Variants in TMCC1 observed in about 807,000 individuals in gnomAD.
The protein encoded by TMCC1 is transmembrane and coiled-coil domain family 1.
A neutral mutation model predicts 52.4 loss-of-function variants in TMCC1; 15 were observed. That is an observed-to-expected ratio of 0.29 (90% CI 0.19 to 0.44). The LOEUF (loss-of-function observed/expected upper bound fraction) is 0.44, where lower values mean the gene tolerates loss of function less well. TMCC1 is among the 20% of genes least tolerant of loss of function. The pLI, the probability that TMCC1 is intolerant of heterozygous loss-of-function variation, is 1.00. For missense variants in TMCC1, 503 were observed against 806.0 expected, an observed-to-expected ratio of 0.62 and a Z score of 4.55; for synonymous variants, 279 against 301.9, an observed-to-expected ratio of 0.92 and a Z score of 0.79.
At chr3:129,769,332 C>A (rs548350190) in intron 4 of TMCC1, among the ~76,000 whole-genome samples, 1 of 152,178 alleles carries the variant, frequency 6.6e-6, no homozygotes, top group Non-Finnish European at 1.5e-5. Context: ...CGGGTTCAAG[C>A]GATTCTCATG....
intron 4 of TMCC1, among the ~76,000 whole-genome samples, chr3:129,809,159 G>C (rs2057654522): frequency 6.7e-6 from 1 of 149,678 alleles, no homozygotes; most frequent in African/African-American, 2.4e-5. Context: ...AGGCAGGAGA[G>C]TGGTGTGAAC....
chr3:129,814,159 C>A (rs775081209), intron 4 of TMCC1, among the ~76,000 whole-genome samples: 1 of 151,968 alleles, frequency 6.6e-6, no homozygotes, highest in African/African-American at 2.4e-5. Flanking sequence ...AAGACCTGAG[C>A]GTAAGGTTTA....
At chr3:129,887,944 C>T (rs2061794246) in intron 1 of TMCC1, among the ~76,000 whole-genome samples, 1 of 152,138 alleles carries the variant, frequency 6.6e-6, no homozygotes, top group South Asian at 2.1e-4. Flanking sequence ...CAGAATGTGA[C>T]AAAATCTAAA....
At chr3:129,816,818 G>A (rs912047328) in intron 4 of TMCC1, among the ~76,000 whole-genome samples, 2 of 152,004 alleles carry the variant, frequency 1.3e-5, no homozygotes, top group Non-Finnish European at 2.9e-5. Context: ...GAGCCCAGGA[G>A]TTTGAGATCA....
rs188427061 is a variant in TMCC1, at chr3:129,882,177, A to G, written c.-434-1618T>C. ...ATATACAGAGAACTCTTAAAACTCA[A>G]AACAAAAACAACCTGATAAAAATGG... On this transcript the variant is annotated intron_variant, in intron 1 of 6. Coordinates refer to ENST00000393238, the MANE Select transcript of TMCC1 (RefSeq NM_001017395.5). Among the ~76,000 whole-genome samples, 137 of 152,302 alleles carry G rather than the reference A, an allele frequency of 9.0e-4. 1 individual carries two copies. Among genetic ancestry groups the G allele is most frequent in the Non-Finnish European group, 1.5e-3 (100 of 68,012 alleles).
At chr3:129,763,564 A>G (rs888906370) in intron 4 of TMCC1, among the ~76,000 whole-genome samples, 2 of 148,886 alleles carry the variant, frequency 1.3e-5, no homozygotes, top group Non-Finnish European at 3.0e-5. Context: ...AAAAAAAAAA[A>G]AAAGAAAAAG....
chr3:129,693,503 AT>A lies in TMCC1; in HGVS notation c.577-22240del, dbSNP rs11433105. 8.8e-3 allele frequency among the ~76,000 whole-genome samples: 1,078 copies of A among 121,960 alleles called. 9 individuals are homozygous for A. The highest frequency in any genetic ancestry group is 0.03 in the African/African-American group (982 of 32,816). The allele number at this position is 121,960 out of a possible 152,430, so 80.0% of individuals were successfully genotyped here. ...TTGATCTTGCCTTCCCCAAGATTGA[AT>A]TTTTTTTTTTTTTTTTTTTTGAGAC... On this transcript the variant is annotated intron_variant, in intron 4 of 6. Transcript: ENST00000393238.
chr3:129,649,349 A>G lies in TMCC1; in HGVS notation c.*2132T>C, dbSNP rs745567374. The G allele has an allele frequency of 2.0e-5, 3 of 152,230 alleles. No homozygotes were observed. The highest frequency in any genetic ancestry group is 4.4e-5 in the Non-Finnish European group (3 of 68,042). 9.4% of individuals were successfully genotyped at this position (152,230 alleles called of 1,614,324 possible). Reference sequence around the variant, plus strand: ...CCTAAAAAGTCACTGCAATATTTTTAGGCAAAGTTAACATTTTAATACATA... The same window carrying G: ...CCTAAAAAGTCACTGCAATATTTTTGGGCAAAGTTAACATTTTAATACATA... On this transcript the variant is annotated 3_prime_UTR_variant, in exon 7 of 7. Transcript: ENST00000393238.
intron 4 of TMCC1, among the ~76,000 whole-genome samples, chr3:129,756,769 C>T (rs560526416): frequency 3.3e-4 from 50 of 152,244 alleles, no homozygotes; most frequent in African/African-American, 1.2e-3. Context: ...TGTATGATTC[C>T]ATTCACATGA....
chr3:129,695,681 A>G (rs2047366779), intron 4 of TMCC1, among the ~76,000 whole-genome samples: 1 of 152,126 alleles, frequency 6.6e-6, no homozygotes, highest in Non-Finnish European at 1.5e-5. Flanking sequence ...CCAACAACAC[A>G]TGGGGATTAT....
At chr3:129,731,016 T>C (rs2050495704) in intron 4 of TMCC1, among the ~76,000 whole-genome samples, 1 of 152,206 alleles carries the variant, frequency 6.6e-6, no homozygotes, top group Admixed American at 6.5e-5. Context: ...AAGCCAGCAT[T>C]ATCCAGGAAT....
chr3:129,843,191 A>G (rs144465488), intron 2 of TMCC1, among the ~76,000 whole-genome samples: 1,912 of 152,124 alleles, frequency 0.013, 41 homozygotes, highest in African/African-American at 0.042. Context: ...CTGAAAATAC[A>G]AAAAAATTAG....
intron 4 of TMCC1, among the ~76,000 whole-genome samples, chr3:129,679,130 CTGT>C (rs1021858462): frequency 6.6e-5 from 10 of 152,182 alleles, no homozygotes; most frequent in African/African-American, 2.2e-4. Context: ...GTGGCCTCCC[CTGT>C]TGTTCCTGGA....
At position 129,828,241 on chromosome 3, in the gene TMCC1, G is replaced by A. The variant is rs116448838; in HGVS notation, c.138C>T (p.Asn46=). The A allele has an allele frequency of 1.1e-5, 17 of 1,614,096 alleles. No homozygotes were observed. Among genetic ancestry groups the A allele is most frequent in the African/African-American group, 2.7e-5 (2 of 75,026 alleles). The part of the protein sequence containing the change: ...KMTHNALENI[N]VIGQGLKHLF... ...GATGCTTCAAGCCTTGGCCAATCAC[G>A]TTAATGTTCTCCAAAGCATTGTGGG... The change falls in exon 4 of 7, where the codon AAC becomes AAT. Residue 46 remains asparagine (N), a synonymous_variant. Transcript: ENST00000393238. The surrounding 1 kb of genome is among the most constrained non-coding windows in gnomAD (Gnocchi z 4.1).
At chr3:129,660,286 T>G (rs1367593631) in intron 5 of TMCC1, among the ~76,000 whole-genome samples, 1 of 152,180 alleles carries the variant, frequency 6.6e-6, no homozygotes, top group Non-Finnish European at 1.5e-5. Context: ...CAGCTGGGAC[T>G]ACAGGCATGT....
chr3:129,859,621 A>G (rs1390149783), intron 2 of TMCC1, among the ~76,000 whole-genome samples: 1 of 150,836 alleles, frequency 6.6e-6, no homozygotes, highest in Admixed American at 6.7e-5. Context: ...TCAGCAACAG[A>G]GAGAAACCCT....
intron 4 of TMCC1, among the ~76,000 whole-genome samples, chr3:129,823,492 C>T (rs968812551): frequency 1.1e-4 from 16 of 152,128 alleles, no homozygotes; most frequent in Non-Finnish European, 1.5e-4. Context: ...AGCCTGCTCA[C>T]ATTGACCAAC....
chr3:129,887,176 C>A (rs888724557), intron 1 of TMCC1, among the ~76,000 whole-genome samples: 9 of 151,952 alleles, frequency 5.9e-5, no homozygotes, highest in African/African-American at 2.2e-4. Context: ...AGCCACTTAA[C>A]CGTAGATTTA....
intron 2 of TMCC1, among the ~76,000 whole-genome samples, chr3:129,850,968 T>C (rs2059891692): frequency 6.6e-6 from 1 of 152,248 alleles, no homozygotes; most frequent in South Asian, 2.1e-4. Context: ...GTGGGCCAGG[T>C]GTTCCTTGCC....
Sources: gnomAD v4.1 joint callset for allele counts (sites outside exome capture counted in the v4.1 genomes callset) on GRCh38, gnomAD v4.1.1 for gene constraint, Gnocchi (gnomAD v3.1) non-coding constraint, MANE v1.5 for transcripts, NCBI Gene and HGNC (gene_info 2026-07-23, HGNC 2026-07-21) for gene names.